LIPT1: variants seen among roughly 807,000 people sequenced by gnomAD.
LIPT1 encodes lipoyltransferase 1, also known as lipoyl amidotransferase LIPT1, mitochondrial.
Under a neutral mutation model 25.1 loss-of-function variants are expected in LIPT1, and 22 were observed. The observed-to-expected ratio is 0.88, with a 90% confidence interval of 0.63 to 1.25. The LOEUF (loss-of-function observed/expected upper bound fraction) is 1.25, where lower values mean the gene tolerates loss of function less well. Among genes scored for constraint, LIPT1 ranks in the 50% most tolerant of loss-of-function variants. The pLI, the probability that LIPT1 is intolerant of heterozygous loss-of-function variation, is 0.00. For synonymous variants in LIPT1, 131 were observed against 150.8 expected, an observed-to-expected ratio of 0.87 and a Z score of 0.96; for missense variants, 399 against 432.8, an observed-to-expected ratio of 0.92 and a Z score of 0.69.
At chr2:99,156,075 G>T (rs771461779) in intron 1 of LIPT1, among the ~76,000 whole-genome samples, 31 of 152,118 alleles carry the variant, frequency 2.0e-4, no homozygotes, top group Non-Finnish European at 4.4e-4. Context: ...CACTCTGTGT[G>T]ATTTTTTCTT....
Position 99,163,045 on chromosome 2 carries a change from A to G in LIPT1, c.1088A>G (p.Asn363Ser), listed in dbSNP as rs2093809667. 6.4e-7 allele frequency: 1 copy of G among 1,570,304 alleles called. No homozygotes were observed. Residue 363 changes from asparagine to serine, a missense_variant, in exon 2 of 2, where the codon AAT (asparagine) becomes AGT (serine). Asn to Ser is a conservative substitution (Grantham distance 46, BLOSUM62 1). Coordinates refer to ENST00000651691, the MANE Select transcript of LIPT1 (RefSeq NM_145199.3). ...PQDHKLNSKW[N>S]ILCEKIKGIM ...GACCACAAACTAAACAGTAAATGGA[A>G]TATTCTCTGTGAAAAAATTAAGGGA... is the stretch of plus-strand genomic sequence containing the variant.
intron 1 of LIPT1, among the ~76,000 whole-genome samples, chr2:99,157,834 G>C (rs761793837): frequency 6.6e-6 from 1 of 152,152 alleles, no homozygotes; most frequent in Non-Finnish European, 1.5e-5. Flanking sequence ...CATCCATTGA[G>C]CTCTGTGCCG....
chr2:99,159,179 C>T (rs1396329117), intron 1 of LIPT1, among the ~76,000 whole-genome samples: 5 of 151,274 alleles, frequency 3.3e-5, no homozygotes, highest in Non-Finnish European at 7.4e-5. Context: ...CCGCCTGCCT[C>T]GGCCTCCCAG....
At chr2:99,156,330 C>G (rs1051322205) in intron 1 of LIPT1, 4 of 152,256 alleles carry the variant, frequency 2.6e-5, no homozygotes, top group Admixed American at 2.6e-4. Context: ...CCCAGCCCAT[C>G]TCGGCCCACT....
chr2:99,155,058 G>A lies in LIPT1; in HGVS notation c.-2+7G>A, dbSNP rs1214217583. 4.4e-6 allele frequency: 2 copies of A among 455,742 alleles called. No homozygotes were observed. The highest frequency in any genetic ancestry group is 3.1e-5 in the South Asian group (2 of 64,514). The allele number at this position is 455,742 out of a possible 1,614,324, so 28.2% of individuals were successfully genotyped here. A position where few individuals can be genotyped will look rare whatever the true frequency, so the allele number is the denominator to read the frequency against. On this transcript the variant is annotated splice_region_variant and intron_variant, in intron 1 of 1. Transcript: ENST00000651691. ...GTACGACCGGAAGCCGCAGGTGGGT[G>A]AAGCGGAAACGCTTCAAACCGGGAT...
rs757713207 is a variant in LIPT1 at position 99,162,029 on chromosome 2, T to TA, written c.79dup (p.Thr27AsnfsTer14). 16 of 1,614,012 alleles carry TA rather than the reference T, an allele frequency of 9.9e-6. No homozygotes were observed. The highest frequency in any genetic ancestry group is 1.3e-5 in the Non-Finnish European group (15 of 1,179,950). On this transcript the variant is annotated frameshift_variant, in exon 2 of 2. Coordinates refer to ENST00000651691, the MANE Select transcript of LIPT1 (RefSeq NM_145199.3). LOFTEE classifies it high-confidence loss of function. Reference sequence around the variant, plus strand: ...ACTGCCAGGTCCCAGCAGCTGGCTTTAAAAAAACAGTAAAAAATGGGCTCA... The same window carrying TA: ...ACTGCCAGGTCCCAGCAGCTGGCTTTAAAAAAAACAGTAAAAAATGGGCTCA...
chr2:99,159,138 C>G (rs1010791575), intron 1 of LIPT1, among the ~76,000 whole-genome samples: 106 of 152,180 alleles, frequency 7.0e-4, no homozygotes, highest in Non-Finnish European at 1.3e-3. Flanking sequence ...CTGTGTTAGC[C>G]AGGATGGTCT....
rs377138952 is a variant in LIPT1, at chr2:99,162,688, A to C, written c.731A>C (p.His244Pro). The C allele has an allele frequency of 8.7e-6, 14 of 1,614,068 alleles. No homozygotes were observed. The African/African-American group carries it at 1.9e-4, about 22-fold the overall frequency. The change falls in exon 2 of 2, where the codon CAC becomes CCC. Residue 244 changes from histidine to proline, a missense_variant. By Grantham distance (77) the His-to-Pro change is moderately conservative (BLOSUM62 -2). Coordinates refer to ENST00000651691, the MANE Select transcript of LIPT1 (RefSeq NM_145199.3). ...EYAAYHQIDNHIHLINPTDET... is the reference protein window; with the variant it reads ...EYAAYHQIDNPIHLINPTDET... ...GCTGCTTATCATCAAATTGATAATC[A>C]CATTCACCTAATAAACCCAACGGAT...
chr2:99,161,597 G>A (rs1468128834), intron 1 of LIPT1: 1 of 165,324 alleles, frequency 6.0e-6, no homozygotes, highest in African/African-American at 2.4e-5. Flanking sequence ...CAGCACTTTG[G>A]GAGGCCAAGG....
intron 1 of LIPT1, 30 bp from the exon 2 acceptor site, chr2:99,161,927 A>G (rs1311536211): frequency 1.3e-6 from 2 of 1,522,746 alleles, no homozygotes; most frequent in Non-Finnish European, 1.8e-6. Flanking sequence ...TTCTCGATGA[A>G]TTAATTTGTT....
At chr2:99,157,239 T>G (rs2516830) in intron 1 of LIPT1, among the ~76,000 whole-genome samples, 77,285 of 152,056 alleles carry the variant, frequency 0.51, 21,572 homozygotes, top group Middle Eastern at 0.7. Context: ...AATTTCCATA[T>G]CCACAGACAC....
In LIPT1 at chr2:99,163,006, G is replaced by C. The variant is rs751331564; in HGVS notation, c.1049G>C (p.Arg350Thr). The change falls in exon 2 of 2, where the codon AGA becomes ACA. Residue 350 changes from arginine to threonine, a missense_variant. Physicochemically the swap from Arg to Thr is moderately conservative, Grantham distance 71 (BLOSUM62 -1). Transcript: ENST00000651691. ...ACCATGCTAACAAATATATTACTTA[G>C]AACATGTCCACAAGACCACAAACTA... The part of the protein sequence containing the change: ...ETTMLTNILL[R>T]TCPQDHKLNS... 2 of 1,610,164 alleles carry C rather than the reference G, an allele frequency of 1.2e-6. No individual in the cohort carries two copies. Among genetic ancestry groups the C allele is most frequent in the African/African-American group, 2.7e-5 (2 of 74,692 alleles).
In LIPT1 at chr2:99,162,469, G is replaced by A. The variant is rs764150088; in HGVS notation, c.512G>A (p.Arg171Gln). 20 of 1,613,886 alleles carry A rather than the reference G, an allele frequency of 1.2e-5. No homozygotes were observed. Among genetic ancestry groups the A allele is most frequent in the African/African-American group, 4.0e-5 (3 of 74,924 alleles). The part of the protein sequence containing the change: ...KISGTASKIG[R>Q]TTAYHHCTLL... ...TCAGGAACAGCTTCTAAGATCGGCC[G>A]GACTACTGCCTATCACCATTGCACT... The change falls in exon 2 of 2, where the codon CGG becomes CAG. Residue 171 changes from arginine (R) to glutamine (Q), a missense_variant. Arg to Gln is a conservative substitution (Grantham distance 43). Coordinates refer to ENST00000651691, the MANE Select transcript of LIPT1 (RefSeq NM_145199.3).
At chr2:99,157,023 C>G (rs550466076) in intron 1 of LIPT1, among the ~76,000 whole-genome samples, 1 of 152,308 alleles carries the variant, frequency 6.6e-6, no homozygotes, top group Admixed American at 6.5e-5. Context: ...CATATTAACA[C>G]ATTTAATTCT....
At chr2:99,157,059 C>G (rs2093760941) in intron 1 of LIPT1, among the ~76,000 whole-genome samples, 1 of 152,196 alleles carries the variant, frequency 6.6e-6, no homozygotes, top group Non-Finnish European at 1.5e-5. Context: ...ACGTCTGAGG[C>G]CACTGAAGCA....
rs1464913647 is a variant in LIPT1 at position 99,162,364 on chromosome 2, C to T, written c.407C>T (p.Ala136Val). 7 of 1,613,890 alleles carry T rather than the reference C, an allele frequency of 4.3e-6. No individual in the cohort carries two copies. The highest frequency in any genetic ancestry group is 5.9e-6 in the Non-Finnish European group (7 of 1,179,996). ...GAAAATCTGAAATTAATTGTGAGAG[C>T]TCTGAATGCTGTCCAACCCCAGCTG... The part of the protein sequence containing the change: ...RMENLKLIVR[A>V]LNAVQPQLDV... Residue 136 changes from alanine to valine, a missense_variant, in exon 2 of 2, where the codon GCT becomes GTT. Physicochemically the swap from Ala to Val is moderately conservative, Grantham distance 64 (BLOSUM62 0). Coordinates refer to ENST00000651691, the MANE Select transcript of LIPT1 (RefSeq NM_145199.3).
intron 1 of LIPT1, 115 bp from the exon 2 acceptor site, chr2:99,161,842 A>G (rs780472374): frequency 1.2e-4 from 100 of 868,838 alleles, no homozygotes; most frequent in Non-Finnish European, 1.6e-4. Context: ...AGCCAAAAGC[A>G]ACTGCACTGG....
At position 99,155,030 on chromosome 2, in the gene LIPT1, T is replaced by C. The variant is rs1168784055; in HGVS notation, c.-23T>C. 1 of 455,928 alleles carries C rather than the reference T, an allele frequency of 2.2e-6. No homozygotes were observed. The highest frequency in any genetic ancestry group is 1.5e-5 in the South Asian group (1 of 64,550). The allele number at this position is 455,928 out of a possible 1,614,324, so 28.2% of individuals were successfully genotyped here. A position where few individuals can be genotyped will look rare whatever the true frequency, so the allele number is the denominator to read the frequency against. ...TCCAGCTCGAGCCCTCACGAGGCCG[T>C]GGGTACGACCGGAAGCCGCAGGTGG... On this transcript the variant is annotated 5_prime_UTR_variant, in exon 1 of 2. Coordinates refer to ENST00000651691, the MANE Select transcript of LIPT1 (RefSeq NM_145199.3).
chr2:99,160,244 C>T (rs1449312311), intron 1 of LIPT1, among the ~76,000 whole-genome samples: 1 of 152,074 alleles, frequency 6.6e-6, no homozygotes, highest in African/African-American at 2.4e-5. Flanking sequence ...CCCATCTCTA[C>T]AAAAAATTTA....
Sources: gnomAD v4.1 joint callset for allele counts (sites outside exome capture counted in the v4.1 genomes callset) on GRCh38, gnomAD v4.1.1 for gene constraint, MANE v1.5 for transcripts, NCBI Gene and HGNC (gene_info 2026-07-23, HGNC 2026-07-21) for gene names.